Variants in TNFAIP8L3 observed in about 807,000 individuals in gnomAD.
TNFAIP8L3 encodes TNF alpha induced protein 8 like 3.
A neutral mutation model predicts 11.8 loss-of-function variants in TNFAIP8L3; 7 were observed. The ratio of observed to expected loss-of-function variants is 0.59; its 90% confidence interval spans 0.34 to 1.11. The LOEUF (loss-of-function observed/expected upper bound fraction) is 1.11, where lower values mean the gene tolerates loss of function less well. TNFAIP8L3 is among the 50% of genes most tolerant of loss of function. TNFAIP8L3 has a pLI of 0.03. For synonymous variants in TNFAIP8L3, 98 were observed against 103.8 expected (o/e 0.94, Z 0.34); for missense variants, 219 against 258.6 (o/e 0.85, Z 1.05).
chr15:51,101,096 A>G (rs970665280), intron 1 of TNFAIP8L3, among the ~76,000 whole-genome samples: 6 of 152,150 alleles, frequency 3.9e-5, no homozygotes, highest in East Asian at 3.8e-4. Context: ...GACAATTGCT[A>G]TATCTCCTCT....
At chr15:51,074,752 G>C (rs989547434) in intron 1 of TNFAIP8L3, among the ~76,000 whole-genome samples, 3 of 152,236 alleles carry the variant, frequency 2.0e-5, no homozygotes, top group Non-Finnish European at 4.4e-5. Flanking sequence ...GCCATGCCCT[G>C]ACTCTCGTGC....
intron 1 of TNFAIP8L3, among the ~76,000 whole-genome samples, chr15:51,100,906 T>C (rs1943848422): frequency 6.6e-6 from 1 of 152,196 alleles, no homozygotes; most frequent in Non-Finnish European, 1.5e-5. Flanking sequence ...GGCCTGCCTG[T>C]CCTTGCCCTT....
intron 1 of TNFAIP8L3, chr15:51,104,969 A>T: frequency 6.2e-7 from 1 of 1,613,478 alleles, no homozygotes; most frequent in African/African-American, 1.3e-5. Flanking sequence ...CCGCCCCTAT[A>T]CTTCCTTCTC....
intron 1 of TNFAIP8L3, among the ~76,000 whole-genome samples, chr15:51,083,547 G>C (rs1449230259): frequency 2.6e-5 from 4 of 152,264 alleles, no homozygotes; most frequent in Non-Finnish European, 4.4e-5. Context: ...CCAGCGAGCA[G>C]CAGCGACGCT....
At chr15:51,100,778 C>T (rs942857595) in intron 1 of TNFAIP8L3, among the ~76,000 whole-genome samples, 1 of 150,832 alleles carries the variant, frequency 6.6e-6, no homozygotes, top group Non-Finnish European at 1.5e-5. Flanking sequence ...AAAAAACAAA[C>T]AAACAAGGCA....
chr15:51,091,387 C>A (rs2065468394), intron 1 of TNFAIP8L3, among the ~76,000 whole-genome samples: 1 of 152,110 alleles, frequency 6.6e-6, no homozygotes, highest in Non-Finnish European at 1.5e-5. Context: ...AGAAAGGTGA[C>A]CATGATGGTT....
intron 1 of TNFAIP8L3, among the ~76,000 whole-genome samples, chr15:51,074,334 A>G (rs559589751): frequency 6.6e-6 from 1 of 152,358 alleles, no homozygotes; most frequent in Admixed American, 6.5e-5. Context: ...TTTTTTGACA[A>G]TAGCACATGC....
rs188136500 is a variant in TNFAIP8L3 at position 51,065,465 on chromosome 15, C to T, written c.53-7022G>A. On this transcript the variant is annotated intron_variant, in intron 1 of 1. Coordinates refer to ENST00000637513, the MANE Select transcript of TNFAIP8L3 (RefSeq NM_001311175.2). Reference sequence around the variant, plus strand: ...CTCTCCCAGATGGTGAAATGCCAAGCTAATGGTGATAAACAACAGGAAGAT... The same window carrying T: ...CTCTCCCAGATGGTGAAATGCCAAGTTAATGGTGATAAACAACAGGAAGAT... Among the ~76,000 whole-genome samples, 259 of 152,304 alleles carry T rather than the reference C, an allele frequency of 1.7e-3. 2 individuals are homozygous for T. Among genetic ancestry groups the T allele is most frequent in the African/African-American group, 6.1e-3 (253 of 41,566 alleles).
At chr15:51,084,918 G>A (rs1595616054) in intron 1 of TNFAIP8L3, among the ~76,000 whole-genome samples, 1 of 152,332 alleles carries the variant, frequency 6.6e-6, no homozygotes, top group East Asian at 1.9e-4. Flanking sequence ...AAGGGACATA[G>A]TTAGGAAAAA....
chr15:51,076,081 C>A (rs12324917), intron 1 of TNFAIP8L3, among the ~76,000 whole-genome samples: 2,287 of 152,102 alleles, frequency 0.015, 50 homozygotes, highest in African/African-American at 0.052. Context: ...AATCTGAATG[C>A]GGAACAGCAG....
intron 1 of TNFAIP8L3, among the ~76,000 whole-genome samples, chr15:51,080,941 T>C (rs1193479638): frequency 1.3e-5 from 2 of 152,254 alleles, no homozygotes; most frequent in Non-Finnish European, 2.9e-5. Flanking sequence ...ATGTTGGAAA[T>C]CATTTGCCTT....
chr15:51,062,161 C>A (rs1041966639), intron 1 of TNFAIP8L3, among the ~76,000 whole-genome samples: 1 of 152,102 alleles, frequency 6.6e-6, no homozygotes, highest in African/African-American at 2.4e-5. Flanking sequence ...GTAGTCTCAG[C>A]TACTTGAGAA....
chr15:51,057,980 C>T lies in TNFAIP8L3; in HGVS notation c.516G>A (p.Glu172=). ...NHVFNHFADV[E]FLSTLYSLDG... The stretch of plus-strand genomic sequence containing the variant: ...CCAGACTATAGAGGGTGGAGAGGAA[C>T]TCCACATCGGCAAAGTGGTTAAAGA... Residue 172 remains glutamate, a synonymous_variant, in exon 2 of 2, where the codon GAG becomes GAA. Transcript: ENST00000637513. 6.2e-7 allele frequency: 1 copy of T among 1,614,232 alleles called. No homozygotes were observed. The highest frequency in any genetic ancestry group is 8.5e-7 in the Non-Finnish European group (1 of 1,180,040).
rs138560357 is a variant in TNFAIP8L3 at position 51,060,672 on chromosome 15, G to A, written c.53-2229C>T. Among the ~76,000 whole-genome samples, 39 of 152,304 alleles carry A rather than the reference G, an allele frequency of 2.6e-4. No individual in the cohort carries two copies. The East Asian group carries it at 7.3e-3, about 29-fold the overall frequency. On this transcript the variant is annotated intron_variant, in intron 1 of 1. Transcript: ENST00000637513. ...GTGTCGGCTGAGCGAAGGGAGTGCT[G>A]GTTCTGTGTCAGGCGCTGTTTAACC... is the stretch of plus-strand genomic sequence containing the variant.
chr15:51,096,891 CAAAAA>C (rs56057102), upstream of TNFAIP8L3, among the ~76,000 whole-genome samples: 45 of 98,274 alleles, frequency 4.6e-4, no homozygotes, highest in East Asian at 6.7e-3. Context: ...CACGCTGTCT[CAAAAA>C]AAAAAAAAAA....
chr15:51,091,676 G>GCACACACACACA (rs3077947), intron 1 of TNFAIP8L3, among the ~76,000 whole-genome samples: 20 of 144,108 alleles, frequency 1.4e-4, no homozygotes, highest in African/African-American at 2.9e-4. Context: ...ACCTCCTCAA[G>GCACACACACACA]CACACACACA....
At chr15:51,063,677 G>A (rs1321696435) in intron 1 of TNFAIP8L3, among the ~76,000 whole-genome samples, 1 of 152,186 alleles carries the variant, frequency 6.6e-6, no homozygotes, top group African/African-American at 2.4e-5. Context: ...TATGTAGCAA[G>A]TGCTATGAGG....
intron 1 of TNFAIP8L3, among the ~76,000 whole-genome samples, chr15:51,075,554 C>T (rs1282642723): frequency 6.6e-6 from 1 of 152,158 alleles, no homozygotes; most frequent in Non-Finnish European, 1.5e-5. Context: ...CTTTCTCTAC[C>T]ACGGCAGGCA....
In TNFAIP8L3 at chr15:51,057,677, A is replaced by T; in HGVS notation, c.*204T>A. 1.8e-6 allele frequency: 1 copy of T among 544,108 alleles called. No homozygotes were observed. The highest frequency in any genetic ancestry group is 3.2e-6 in the Non-Finnish European group (1 of 314,818). The allele number at this position is 544,108 out of a possible 1,614,324, so 33.7% of individuals were successfully genotyped here. On this transcript the variant is annotated 3_prime_UTR_variant, in exon 2 of 2. Transcript: ENST00000637513. Reference sequence around the variant, plus strand: ...TGTCCTTTGGGCTTGCACACAGGTGATTTTAAGTAGAAACCTTGCTAGAAA... The same window carrying T: ...TGTCCTTTGGGCTTGCACACAGGTGTTTTTAAGTAGAAACCTTGCTAGAAA...
Sources: gnomAD v4.1 joint callset for allele counts (sites outside exome capture counted in the v4.1 genomes callset) on GRCh38, gnomAD v4.1.1 for gene constraint, MANE v1.5 for transcripts, NCBI Gene and HGNC (gene_info 2026-07-23, HGNC 2026-07-21) for gene names.